Variants in ALDH18A1 observed in about 807,000 individuals in gnomAD.
ALDH18A1 encodes the protein aldehyde dehydrogenase 18 family member A1, also known as delta-1-pyrroline-5-carboxylate synthase.
Under a neutral mutation model 88.8 loss-of-function variants are expected in ALDH18A1, and 44 were observed. The ratio of observed to expected loss-of-function variants is 0.50; its 90% CI spans 0.39 to 0.64. The LOEUF (loss-of-function observed/expected upper bound fraction) is 0.64, where lower values mean the gene tolerates loss of function less well. Among genes scored for constraint, ALDH18A1 ranks in the 30% least tolerant of loss-of-function variants. The pLI is 0.00. For missense variants in ALDH18A1, 782 were observed against 1,009.5 expected, an observed-to-expected ratio of 0.77 and a Z score of 3.05; for synonymous variants, 331 against 372.1, an observed-to-expected ratio of 0.89 and a Z score of 1.27.
At chr10:95,647,109 G>A (rs1035481988) in intron 2 of ALDH18A1, among the ~76,000 whole-genome samples, 3 of 151,668 alleles carry the variant, frequency 2.0e-5, no homozygotes, top group South Asian at 2.1e-4. Context: ...AGAGCTCCAC[G>A]TTCCAGAAAA....
At chr10:95,644,877 C>T (rs2097898547) in intron 2 of ALDH18A1, among the ~76,000 whole-genome samples, 1 of 152,190 alleles carries the variant, frequency 6.6e-6, no homozygotes, top group Non-Finnish European at 1.5e-5. Context: ...TGTGAAGCAA[C>T]AAGAAAGAAC....
At chr10:95,622,953 C>T (rs984833961) in intron 11 of ALDH18A1, among the ~76,000 whole-genome samples, 1 of 152,002 alleles carries the variant, frequency 6.6e-6, no homozygotes, top group Non-Finnish European at 1.5e-5. Context: ...CATTTGAAAT[C>T]ATATATCACA....
intron 6 of ALDH18A1, among the ~76,000 whole-genome samples, 189 bp from the exon 7 acceptor site, chr10:95,633,238 T>C (rs2139608775): frequency 1.3e-5 from 2 of 152,318 alleles, no homozygotes; most frequent in East Asian, 3.9e-4. Flanking sequence ...GGCAATCCTT[T>C]TTCCAAACAT....
At chr10:95,641,142 T>A (rs1275801600) in intron 3 of ALDH18A1, among the ~76,000 whole-genome samples, 1 of 152,124 alleles carries the variant, frequency 6.6e-6, no homozygotes, top group Non-Finnish European at 1.5e-5. Context: ...ATGGAACTTT[T>A]CCCCTCTGTT....
intron 3 of ALDH18A1, among the ~76,000 whole-genome samples, chr10:95,641,806 T>A (rs2097892204): frequency 6.6e-6 from 1 of 151,884 alleles, no homozygotes; most frequent in South Asian, 2.1e-4. Flanking sequence ...CCTGGCTAAT[T>A]TTTAAAAAAA....
In ALDH18A1 at chr10:95,622,484, G is replaced by A. The variant is rs192706834; in HGVS notation, c.1247-1233C>T. On this transcript the variant is annotated intron_variant, in intron 11 of 17. Transcript: ENST00000371224. ...CCCAAAGTGCTGGGATTACTGGTAT[G>A]AGCGACCATGCTTGGCTGAAAAAAA... 3.3e-5 allele frequency among the ~76,000 whole-genome samples: 5 copies of A among 152,206 alleles called. No homozygotes were observed. The East Asian group carries it at 7.7e-4, about 24-fold the overall frequency.
rs2097895281 is a variant in ALDH18A1 at position 95,643,208 on chromosome 10, T to C, written c.89-2A>G. 1 of 1,614,104 alleles carries C rather than the reference T, an allele frequency of 6.2e-7. No individual in the cohort carries two copies. Among genetic ancestry groups the C allele is most frequent in the Non-Finnish European group, 8.5e-7 (1 of 1,179,978 alleles). ...TGATGACTGAAGGCTGGATACAATCTGTAGCCATCAAAGTCAAATGCAAGA... is the reference window on the plus strand; with the variant it reads ...TGATGACTGAAGGCTGGATACAATCCGTAGCCATCAAAGTCAAATGCAAGA... On this transcript the variant is annotated splice_acceptor_variant, in intron 2 of 17. Coordinates refer to ENST00000371224, the MANE Select transcript of ALDH18A1 (RefSeq NM_002860.4). LOFTEE classifies it high-confidence loss of function.
intron 1 of ALDH18A1, among the ~76,000 whole-genome samples, chr10:95,655,659 G>A (rs1462618045): frequency 6.8e-6 from 1 of 146,476 alleles, no homozygotes; most frequent in Admixed American, 7.1e-5. Flanking sequence ...GAAGCACACA[G>A]TTGATCCCAA....
chr10:95,613,630 G>A (rs1310650426), intron 15 of ALDH18A1, 112 bp downstream of exon 15: 1 of 1,388,268 alleles, frequency 7.2e-7, no homozygotes, highest in Admixed American at 1.7e-5. Flanking sequence ...GTACACAGAA[G>A]ATATTAAAAA....
At chr10:95,635,043 A>C (rs1171607372) in intron 5 of ALDH18A1, among the ~76,000 whole-genome samples, 1 of 152,218 alleles carries the variant, frequency 6.6e-6, no homozygotes, top group South Asian at 2.1e-4. Context: ...GGAAACATAC[A>C]TATAGAAAAA....
chr10:95,633,450 G>A (rs184730302), intron 6 of ALDH18A1, 41 bp downstream of exon 6: 105 of 1,610,126 alleles, frequency 6.5e-5, no homozygotes, highest in African/African-American at 4.4e-4. Flanking sequence ...CATGGTGTTA[G>A]TGTCTCCAGC....
chr10:95,614,198 C>T (rs1289063034), intron 13 of ALDH18A1, 37 bp from the exon 14 acceptor site: 1 of 1,602,600 alleles, frequency 6.2e-7, no homozygotes, highest in Non-Finnish European at 8.5e-7. Context: ...AAGATGACAT[C>T]TGACCACACA....
chr10:95,653,505 C>T, intron 1 of ALDH18A1, 100 bp from the exon 2 acceptor site: 1 of 995,788 alleles, frequency 1.0e-6, no homozygotes, highest in Non-Finnish European at 1.5e-6. Flanking sequence ...AAATCTGACT[C>T]TCCTGCTCCA....
chr10:95,608,655 C>A (rs372336814), intron 17 of ALDH18A1, among the ~76,000 whole-genome samples: 2 of 152,168 alleles, frequency 1.3e-5, no homozygotes, highest in Non-Finnish European at 2.9e-5. Context: ...GCTCACGCCA[C>A]CACACCTGGA....
Position 95,621,140 on chromosome 10 carries a change from C to A in ALDH18A1, c.1358G>T (p.Arg453Leu). 6.2e-7 allele frequency: 1 copy of A among 1,614,050 alleles called. No homozygotes were observed. Among genetic ancestry groups the A allele is most frequent in the Non-Finnish European group, 8.5e-7 (1 of 1,180,016 alleles). The change falls in exon 12 of 18, where the codon CGT (arginine) becomes CTT (leucine). Residue 453 changes from arginine (R) to leucine (L), a missense_variant. Transcript: ENST00000371224. ...IAASSQDSVG[R>L]VLRRTRIAKN... ...GGCGATTCGGGTGCGGCGCAAAACA[C>A]GTCCCACGCTGTCCTGGGAGGAGGC... is the stretch of plus-strand genomic sequence containing the variant.
chr10:95,645,338 T>C (rs1049584833), intron 2 of ALDH18A1, among the ~76,000 whole-genome samples: 2 of 152,378 alleles, frequency 1.3e-5, no homozygotes, highest in Middle Eastern at 6.8e-3. Context: ...CACTGTTCTA[T>C]AACTTTATTA....
intron 2 of ALDH18A1, among the ~76,000 whole-genome samples, chr10:95,650,366 G>C (rs1049321268): frequency 6.6e-6 from 1 of 152,224 alleles, no homozygotes; most frequent in African/African-American, 2.4e-5. Context: ...GCTATGGTTT[G>C]GATATGGTTT....
rs181772739 is a variant in ALDH18A1, at chr10:95,656,688, T to A, written c.-120A>T. The A allele has an allele frequency of 6.6e-6, 1 of 152,628 alleles. No homozygotes were observed. Among genetic ancestry groups the A allele is most frequent in the Admixed American group, 6.5e-5 (1 of 15,292 alleles). 9.5% of individuals were successfully genotyped at this position (152,628 alleles called of 1,614,324 possible). On this transcript the variant is annotated 5_prime_UTR_variant, in exon 1 of 18. Coordinates refer to ENST00000371224, the MANE Select transcript of ALDH18A1 (RefSeq NM_002860.4). ...TCCGGCGCTCGCTCACTCTCTTTTT[T>A]CTTCCGTCCACGTCCCGCACGATGA...
Position 95,606,883 on chromosome 10 carries a change from C to A in ALDH18A1, c.2267G>T (p.Gly756Val), listed in dbSNP as rs2097823750. The A allele has an allele frequency of 2.5e-6, 4 of 1,614,190 alleles. No individual in the cohort carries two copies. Among genetic ancestry groups the A allele is most frequent in the Non-Finnish European group, 3.4e-6 (4 of 1,180,020 alleles). The change falls in exon 18 of 18, where the codon GGA becomes GTA. Residue 756 changes from glycine to valine, a missense_variant. Around this residue, in one of 3 missense-constraint regions of ALDH18A1, gnomAD observed 556 missense variants for 654.5 expected, o/e 0.85. Coordinates refer to ENST00000371224, the MANE Select transcript of ALDH18A1 (RefSeq NM_002860.4). The part of the protein sequence containing the change: ...IHARGPVGLE[G>V]LLTTKWLLRG... ...CAGCAGCCACTTAGTAGTAAGCAGT[C>A]CCTCAAGTCCTACTGGTCCCCGGGC...
Sources: allele counts gnomAD v4.1 joint callset (sites outside exome capture counted in the v4.1 genomes callset), GRCh38; gene constraint gnomAD v4.1.1; regional missense constraint gnomAD v4.1.1; transcripts MANE v1.5; gene names NCBI Gene and HGNC (gene_info 2026-07-23, HGNC 2026-07-21).